TNFRSF11B: variants seen among roughly 807,000 people sequenced by gnomAD.
TNFRSF11B encodes the protein tumor necrosis factor receptor superfamily member 11B.
In TNFRSF11B, 16 loss-of-function variants were observed where a neutral mutation model predicts 43.4. The ratio of observed to expected loss-of-function variants is 0.37; its 90% CI spans 0.25 to 0.56. The LOEUF (loss-of-function observed/expected upper bound fraction) is 0.56, where lower values mean the gene tolerates loss of function less well. Ranked by LOEUF, TNFRSF11B falls within the 20% of genes least tolerant of loss-of-function variation. The probability of loss-of-function intolerance (pLI) is 0.80; values close to 1 mark genes in which losing one functional copy is unlikely to be tolerated. For synonymous variants in TNFRSF11B, 185 were observed against 181.8 expected, an observed-to-expected ratio of 1.02 and a Z score of -0.14; for missense variants, 444 against 490.1, an observed-to-expected ratio of 0.91 and a Z score of 0.89.
chr8:118,936,679 T>C (rs1485265856), intron 1 of TNFRSF11B, among the ~76,000 whole-genome samples: 1 of 152,060 alleles, frequency 6.6e-6, no homozygotes, highest in East Asian at 1.9e-4. Flanking sequence ...TTGATGAGCA[T>C]CTGCCCAAGC....
chr8:118,931,634 A>C (rs902065703), intron 2 of TNFRSF11B, among the ~76,000 whole-genome samples: 1 of 152,202 alleles, frequency 6.6e-6, no homozygotes, highest in Non-Finnish European at 1.5e-5. Flanking sequence ...TTCCTCCCTC[A>C]AATACTCATA....
At chr8:118,931,259 G>A (rs759801869) in intron 2 of TNFRSF11B, among the ~76,000 whole-genome samples, 26 of 152,096 alleles carry the variant, frequency 1.7e-4, no homozygotes, top group Non-Finnish European at 3.1e-4. Context: ...TTCCCAAGAG[G>A]AACTGCTGTG....
At chr8:118,947,460 C>T (rs910649314) in intron 1 of TNFRSF11B, among the ~76,000 whole-genome samples, 6 of 152,146 alleles carry the variant, frequency 3.9e-5, no homozygotes, top group South Asian at 2.1e-4. Flanking sequence ...GTGGTGCTAT[C>T]CCTTAGGAGA....
rs544028815 is a variant in TNFRSF11B, at chr8:118,929,028, T to C, written c.401-99A>G. 10 of 1,082,440 alleles carry C rather than the reference T, an allele frequency of 9.2e-6. No homozygotes were observed. In the South Asian group the frequency reaches 1.3e-4, roughly 14 times the overall value. The allele number at this position is 1,082,440 out of a possible 1,614,324, so 67.1% of individuals were successfully genotyped here. ...TTGGAAAGACTTTTCACTTGGTTTT[T>C]ACTGCTACTATTATGTTGCACAAAA... On this transcript the variant is annotated intron_variant, in intron 2 of 4. Transcript: ENST00000297350.
intron 2 of TNFRSF11B, 51 bp from the exon 3 acceptor site, chr8:118,928,980 G>T: frequency 1.3e-6 from 2 of 1,549,718 alleles, no homozygotes; most frequent in Non-Finnish European, 8.9e-7. Flanking sequence ...TCGTTTCCCA[G>T]CAGATGCCCT....
chr8:118,951,716 C>A, intron 1 of TNFRSF11B, 76 bp downstream of exon 1: 1 of 1,408,806 alleles, frequency 7.1e-7, no homozygotes, highest in Non-Finnish European at 9.8e-7. Context: ...CCCGCCGGTC[C>A]GCTGGGAGGT....
In TNFRSF11B at chr8:118,941,129, G is replaced by A. The variant is rs11573868; in HGVS notation, c.31-7829C>T. ...TGATGACCGAATTTGCCTAAAGGAA[G>A]AGATTTTTTAAAGCATCTTTCATCT... On this transcript the variant is annotated intron_variant, in intron 1 of 4. Transcript: ENST00000297350. 6.7e-4 allele frequency among the ~76,000 whole-genome samples: 102 copies of A among 152,300 alleles called. 1 individual carries two copies. The highest frequency in any genetic ancestry group is 4.1e-3 in the Admixed American group (62 of 15,286).
In TNFRSF11B at chr8:118,932,792, T is replaced by C. The variant is rs903548041; in HGVS notation, c.400+139A>G. The C allele has an allele frequency of 5.5e-6, 6 of 1,085,634 alleles. 1 individual carries two copies. The highest frequency in any genetic ancestry group is 1.5e-5 in the African/African-American group (1 of 64,894). The allele number at this position is 1,085,634 out of a possible 1,614,324, so 67.3% of individuals were successfully genotyped here. ...GTCCTTTGGAAGCACTCCAGACACA[T>C]AGTACCTACCTGGCAGGTTTCATTA... On this transcript the variant is annotated intron_variant, in intron 2 of 4. Coordinates refer to ENST00000297350, the MANE Select transcript of TNFRSF11B (RefSeq NM_002546.4).
intron 1 of TNFRSF11B, among the ~76,000 whole-genome samples, chr8:118,933,608 T>C (rs542146412): frequency 6.6e-6 from 1 of 152,358 alleles, no homozygotes; most frequent in African/African-American, 2.4e-5. Flanking sequence ...AGACACTTTG[T>C]CGTCTTGGGT....
At chr8:118,940,186 G>A (rs1963992) in intron 1 of TNFRSF11B, among the ~76,000 whole-genome samples, 3 of 151,988 alleles carry the variant, frequency 2.0e-5, no homozygotes, top group South Asian at 2.1e-4. Context: ...GTCGTGGGGT[G>A]GGGGGAGCAG....
At chr8:118,941,476 C>A (rs1812484777) in intron 1 of TNFRSF11B, among the ~76,000 whole-genome samples, 1 of 152,156 alleles carries the variant, frequency 6.6e-6, no homozygotes, top group Admixed American at 6.5e-5. Context: ...GGGCCAAATT[C>A]CACACAATTT....
At position 118,924,572 on chromosome 8, in the gene TNFRSF11B, A is replaced by AT. The variant is rs1563687652; in HGVS notation, c.1007dup (p.Asn336LysfsTer56). 2.5e-6 allele frequency: 4 copies of AT among 1,614,104 alleles called. No homozygotes were observed. Among genetic ancestry groups the AT allele is most frequent in the Non-Finnish European group, 3.4e-6 (4 of 1,180,010 alleles). On this transcript the variant is annotated frameshift_variant, in exon 5 of 5. Transcript: ENST00000297350. LOFTEE classifies it high-confidence loss of function. ...GGCCCTTCAAGGTGTCTTGGTCGCC[A>AT]TTTTTTATTCGCCACAAACTGAGCA...
chr8:118,941,040 T>C lies in TNFRSF11B; in HGVS notation c.31-7740A>G, dbSNP rs182613171. On this transcript the variant is annotated intron_variant, in intron 1 of 4. Coordinates refer to ENST00000297350, the MANE Select transcript of TNFRSF11B (RefSeq NM_002546.4). Reference sequence around the variant, plus strand: ...TACAGATGCAAATAAATATTCACCATGTAAAGGATACATTTGCAAGGACAA... The same window carrying C: ...TACAGATGCAAATAAATATTCACCACGTAAAGGATACATTTGCAAGGACAA... Among the ~76,000 whole-genome samples the C allele has an allele frequency of 1.1e-4, 17 of 152,336 alleles. No homozygotes were observed. The East Asian group carries it at 3.1e-3, about 28-fold the overall frequency.
At chr8:118,951,111 T>A (rs543757134) in intron 1 of TNFRSF11B, among the ~76,000 whole-genome samples, 2 of 152,318 alleles carry the variant, frequency 1.3e-5, no homozygotes, top group East Asian at 3.9e-4. Context: ...TAAACACAAT[T>A]TTTAGCCCTA....
intron 1 of TNFRSF11B, among the ~76,000 whole-genome samples, chr8:118,935,938 A>C (rs1317816569): frequency 1.3e-5 from 2 of 152,150 alleles, no homozygotes; most frequent in East Asian, 3.9e-4. Context: ...AGGTGTGCCC[A>C]TTTGTTCATC....
chr8:118,931,996 C>A (rs1269655575), intron 2 of TNFRSF11B, among the ~76,000 whole-genome samples: 1 of 152,018 alleles, frequency 6.6e-6, no homozygotes. Flanking sequence ...TTCTACAATG[C>A]GCAGGACAGC....
chr8:118,941,374 C>T (rs1812482982), intron 1 of TNFRSF11B, among the ~76,000 whole-genome samples: 1 of 152,182 alleles, frequency 6.6e-6, no homozygotes, highest in Non-Finnish European at 1.5e-5. Context: ...TAAATCTGTT[C>T]ATCTATACAG....
chr8:118,944,699 G>T (rs1812533744), intron 1 of TNFRSF11B, among the ~76,000 whole-genome samples: 1 of 152,096 alleles, frequency 6.6e-6, no homozygotes, highest in Admixed American at 6.6e-5. Context: ...TCAGCCTGGT[G>T]TATTATTCAA....
At chr8:118,941,809 CGG>C (rs1812492088) in intron 1 of TNFRSF11B, among the ~76,000 whole-genome samples, 1 of 152,134 alleles carries the variant, frequency 6.6e-6, no homozygotes. Flanking sequence ...AGAAGATATA[CGG>C]AAATTGCACA....
Sources: gnomAD v4.1 joint callset for allele counts (sites outside exome capture counted in the v4.1 genomes callset) on GRCh38, gnomAD v4.1.1 for gene constraint, MANE v1.5 for transcripts, NCBI Gene and HGNC (gene_info 2026-07-23, HGNC 2026-07-21) for gene names.